Variants in KHDRBS2 observed in about 807,000 individuals in gnomAD.
KHDRBS2 encodes the protein KH RNA binding domain containing, signal transduction associated 2.
In KHDRBS2, 26 loss-of-function variants were observed where a neutral mutation model predicts 44.3. That is an observed-to-expected ratio of 0.59 (90% confidence interval 0.43 to 0.81). The LOEUF (loss-of-function observed/expected upper bound fraction) is 0.81. KHDRBS2 is among the 40% of genes least tolerant of loss of function. The pLI is 0.00. For synonymous variants in KHDRBS2, 194 were observed against 151.1 expected (o/e 1.28, Z -2.08); for missense variants, 476 against 433.1 (o/e 1.10, Z -0.88).
chr6:61,892,368 C>T lies in KHDRBS2; in HGVS notation c.810+2267G>A, dbSNP rs1047050156. ...TTCAATGCCATCCCCATCAAGCTAC[C>T]AATGACTTTATTCACAGAATTGGAA... On this transcript the variant is annotated intron_variant, in intron 6 of 8. Coordinates refer to ENST00000281156, the MANE Select transcript of KHDRBS2 (RefSeq NM_152688.4). 5.2e-4 allele frequency among the ~76,000 whole-genome samples: 79 copies of T among 152,264 alleles called. 1 individual carries two copies. Among genetic ancestry groups the T allele is most frequent in the Non-Finnish European group, 5.0e-4 (34 of 68,014 alleles).
chr6:62,030,649 C>T (rs1299102347), intron 3 of KHDRBS2, among the ~76,000 whole-genome samples: 1 of 151,988 alleles, frequency 6.6e-6, no homozygotes, highest in Admixed American at 6.6e-5. Flanking sequence ...GTAAACCAAA[C>T]CAAAAATCAG....
intron 1 of KHDRBS2, among the ~76,000 whole-genome samples, chr6:62,201,137 T>C (rs1430558767): frequency 1.3e-5 from 2 of 151,958 alleles, no homozygotes; most frequent in Admixed American, 1.3e-4. Flanking sequence ...TAATATTAAA[T>C]GGTGAGTTAA....
chr6:61,860,117 A>G, intron 6 of KHDRBS2, among the ~76,000 whole-genome samples: 1 of 151,998 alleles, frequency 6.6e-6, no homozygotes, highest in African/African-American at 2.4e-5. Context: ...AGATCTAGTC[A>G]ATCTTAAAAT....
chr6:61,572,719 T>A, the KHDRBS2 span, among the ~76,000 whole-genome samples: 5 of 151,894 alleles, frequency 3.3e-5, no homozygotes, highest in African/African-American at 4.8e-5. Context: ...AAAGTAAAAG[T>A]CATGATCATT....
Position 61,796,106 on chromosome 6 carries a change from T to C in KHDRBS2, c.811-63342A>G, listed in dbSNP as rs546622838. Among the ~76,000 whole-genome samples the C allele has an allele frequency of 1.2e-4, 18 of 152,230 alleles. No homozygotes were observed. In the South Asian group the frequency reaches 3.1e-3, roughly 26 times the overall value. On this transcript the variant is annotated intron_variant, in intron 6 of 8. Transcript: ENST00000281156. ...GATTCAATCATGCTCTAAGATTAAA[T>C]AGGATTTAAATTCCATTTTCTAGAT...
intron 1 of KHDRBS2, among the ~76,000 whole-genome samples, chr6:62,225,560 G>A (rs1831630643): frequency 6.6e-6 from 1 of 152,296 alleles, no homozygotes; most frequent in East Asian, 1.9e-4. Context: ...GAGGAGACAA[G>A]TGCAGAACAT....
At chr6:62,087,282 C>A (rs1798573808) in intron 2 of KHDRBS2, among the ~76,000 whole-genome samples, 1 of 151,672 alleles carries the variant, frequency 6.6e-6, no homozygotes, top group Admixed American at 6.6e-5. Context: ...TTCTAAACAA[C>A]CTAAAAGACA....
chr6:61,926,339 G>C (rs1376974663), intron 4 of KHDRBS2, among the ~76,000 whole-genome samples: 1 of 152,192 alleles, frequency 6.6e-6, no homozygotes, highest in African/African-American at 2.4e-5. Flanking sequence ...AGCTGACTGT[G>C]AAAGTAAGAT....
intron 6 of KHDRBS2, among the ~76,000 whole-genome samples, chr6:61,840,758 G>A (rs1477393817): frequency 1.3e-5 from 2 of 152,124 alleles, no homozygotes; most frequent in African/African-American, 4.8e-5. Flanking sequence ...AGCTCATTAA[G>A]TTCAGAAATT....
chr6:61,814,156 T>C (rs1160173980), intron 6 of KHDRBS2: 2 of 424,806 alleles, frequency 4.7e-6, no homozygotes, highest in Non-Finnish European at 9.4e-6. Flanking sequence ...AGCAAACAGA[T>C]ATCAAGTGAA....
intron 1 of KHDRBS2, among the ~76,000 whole-genome samples, chr6:62,216,564 A>G (rs1380217311): frequency 6.6e-6 from 1 of 151,660 alleles, no homozygotes; most frequent in African/African-American, 2.4e-5. Context: ...TCTCTGTGAA[A>G]GTGAAGTTCC....
chr6:61,782,152 G>A (rs1783030941), intron 6 of KHDRBS2, among the ~76,000 whole-genome samples: 1 of 152,086 alleles, frequency 6.6e-6, no homozygotes, highest in South Asian at 2.1e-4. Flanking sequence ...TAGGTACTGT[G>A]TGGGCAATGA....
chr6:61,982,649 C>T (rs1261588346), intron 3 of KHDRBS2, among the ~76,000 whole-genome samples: 20 of 145,204 alleles, frequency 1.4e-4, no homozygotes, highest in African/African-American at 4.1e-4. Flanking sequence ...CCAGCCTGGG[C>T]GACAGAGCCA....
chr6:61,960,388 A>C (rs548293172), intron 4 of KHDRBS2, among the ~76,000 whole-genome samples: 1 of 152,090 alleles, frequency 6.6e-6, no homozygotes, highest in Non-Finnish European at 1.5e-5. Context: ...ATATTTTTCT[A>C]ATGTATATTT....
intron 2 of KHDRBS2, among the ~76,000 whole-genome samples, chr6:62,094,769 T>C (rs1380052579): frequency 6.6e-6 from 1 of 151,946 alleles, no homozygotes; most frequent in African/African-American, 2.4e-5. Flanking sequence ...GTTTGATTCT[T>C]CTGCATGTCG....
Position 61,760,027 on chromosome 6 carries a change from GA to G in KHDRBS2, c.811-27264del, listed in dbSNP as rs201641886. Among the ~76,000 whole-genome samples the G allele has an allele frequency of 2.3e-3, 345 of 151,266 alleles. 2 individuals are homozygous for G. Among genetic ancestry groups the G allele is most frequent in the African/African-American group, 7.7e-3 (320 of 41,304 alleles). On this transcript the variant is annotated intron_variant, in intron 6 of 8. Coordinates refer to ENST00000281156, the MANE Select transcript of KHDRBS2 (RefSeq NM_152688.4). ...GTTTGCTTACTCACAAAATAATATT[GA>G]AAAAAAATAACATGCATTTACATTA...
chr6:62,032,394 G>T (rs1412703775), intron 3 of KHDRBS2, among the ~76,000 whole-genome samples: 2 of 151,896 alleles, frequency 1.3e-5, no homozygotes, highest in Non-Finnish European at 2.9e-5. Context: ...GATGCTTCCT[G>T]CCCTCGTACA....
intron 6 of KHDRBS2, among the ~76,000 whole-genome samples, chr6:61,743,014 G>T (rs1213975637): frequency 6.6e-6 from 1 of 152,098 alleles, no homozygotes; most frequent in Non-Finnish European, 1.5e-5. Flanking sequence ...TGCCAGCCAT[G>T]CATATGCAAG....
At chr6:62,109,630 A>T (rs1804524342) in intron 2 of KHDRBS2, among the ~76,000 whole-genome samples, 1 of 152,006 alleles carries the variant, frequency 6.6e-6, no homozygotes, top group African/African-American at 2.4e-5. Context: ...TATAGTGGCA[A>T]TGAACAATTG....
Sources: allele counts gnomAD v4.1 joint callset (sites outside exome capture counted in the v4.1 genomes callset), GRCh38; gene constraint gnomAD v4.1.1; transcripts MANE v1.5; gene names NCBI Gene and HGNC (gene_info 2026-07-23, HGNC 2026-07-21).